The following ARMC8 variants were observed in gnomAD, a reference collection of about 807,000 sequenced individuals.
ARMC8 encodes armadillo repeat containing 8.
A neutral mutation model predicts 99.3 loss-of-function variants in ARMC8; 20 were observed. The ratio of observed to expected loss-of-function variants is 0.20; its 90% CI spans 0.14 to 0.29. The LOEUF (loss-of-function observed/expected upper bound fraction) is 0.29. ARMC8 is among the 10% of genes least tolerant of loss of function. ARMC8 has a pLI of 1.00. For missense variants in ARMC8, 569 were observed against 809.5 expected, an observed-to-expected ratio of 0.70 and a Z score of 3.60; for synonymous variants, 263 against 278.3, an observed-to-expected ratio of 0.95 and a Z score of 0.55.
chr3:138,284,638 G>C, intron 19 of ARMC8, 112 bp downstream of exon 19: 3 of 768,966 alleles, frequency 3.9e-6, no homozygotes, highest in South Asian at 3.7e-5. Context: ...AGATTACTCT[G>C]TGACTCCTCA....
chr3:138,250,293 T>G (rs1264103327), intron 12 of ARMC8, among the ~76,000 whole-genome samples: 1 of 152,094 alleles, frequency 6.6e-6, no homozygotes, highest in Non-Finnish European at 1.5e-5. Context: ...AATGGAAGCA[T>G]TTATTAGAAT....
chr3:138,292,811 G>T (rs1308890098), intron 21 of ARMC8, among the ~76,000 whole-genome samples: 3 of 152,154 alleles, frequency 2.0e-5, no homozygotes, highest in Non-Finnish European at 4.4e-5. Context: ...AGAGAGAAAG[G>T]AGGACTAAGG....
At position 138,229,001 on chromosome 3, in the gene ARMC8, C is replaced by G; in HGVS notation, c.519C>G (p.His173Gln). ...TQEYICQIFS[H>Q]CCKGPDHQTI... ...AGTACATCTGTCAGATCTTCTCACA[C>G]TGCTGTAAAGTAAGAACCAGAATAA... Residue 173 changes from histidine (H) to glutamine (Q), a missense_variant, in exon 6 of 22, where the codon CAC becomes CAG. His to Gln is a conservative substitution (Grantham distance 24). Coordinates refer to ENST00000469044, the MANE Select transcript of ARMC8 (RefSeq NM_001363941.2). 1 of 1,606,604 alleles carries G rather than the reference C, an allele frequency of 6.2e-7. No individual in the cohort carries two copies. The highest frequency in any genetic ancestry group is 1.3e-5 in the African/African-American group (1 of 74,562).
At chr3:138,277,064 C>T (rs189243985) in intron 18 of ARMC8, among the ~76,000 whole-genome samples, 67 of 151,960 alleles carry the variant, frequency 4.4e-4, no homozygotes, top group Admixed American at 2.5e-3. Context: ...ATGGTCTTAG[C>T]AAAAAAAGAT....
At chr3:138,201,775 C>T (rs970389065) in intron 1 of ARMC8, among the ~76,000 whole-genome samples, 2 of 152,112 alleles carry the variant, frequency 1.3e-5, no homozygotes, top group Non-Finnish European at 2.9e-5. Context: ...TTCCCTTTTT[C>T]ACCTGGCAGA....
In ARMC8 at chr3:138,296,759, C is replaced by G. The variant is rs1483701741; in HGVS notation, c.*867C>G. 1 of 152,124 alleles carries G rather than the reference C, an allele frequency of 6.6e-6. No homozygotes were observed. Among genetic ancestry groups the G allele is most frequent in the East Asian group, 1.9e-4 (1 of 5,198 alleles). The allele number at this position is 152,124 out of a possible 1,614,324, so 9.4% of individuals were successfully genotyped here. On this transcript the variant is annotated 3_prime_UTR_variant, in exon 22 of 22. Coordinates refer to ENST00000469044, the MANE Select transcript of ARMC8 (RefSeq NM_001363941.2). Reference sequence around the variant, plus strand: ...ATTCACCATAGGCTTTTTGAAGCATCAAAGGGAAATATAACTACTGATAGT... The same window carrying G: ...ATTCACCATAGGCTTTTTGAAGCATGAAAGGGAAATATAACTACTGATAGT...
intron 18 of ARMC8, among the ~76,000 whole-genome samples, chr3:138,275,746 G>A (rs571770744): frequency 2.0e-5 from 3 of 152,168 alleles, no homozygotes; most frequent in Non-Finnish European, 4.4e-5. Flanking sequence ...AGTAAGAGTT[G>A]TAGGTCTTAG....
At chr3:138,280,906 G>C (rs2049839998) in intron 18 of ARMC8, among the ~76,000 whole-genome samples, 1 of 152,202 alleles carries the variant, frequency 6.6e-6, no homozygotes, top group Admixed American at 6.5e-5. Flanking sequence ...GGGATTACAG[G>C]CATCAGCCAC....
rs550025232 is a variant in ARMC8, at chr3:138,296,091, CTTGTG to C, written c.*202_*206del. On this transcript the variant is annotated 3_prime_UTR_variant, in exon 22 of 22. Coordinates refer to ENST00000469044, the MANE Select transcript of ARMC8 (RefSeq NM_001363941.2). ...GAGGTAGTAATTTCCTCAGAAGACT[CTTGTG>C]TTTTGTTTTGGTTTTTTTTTCTGAG... The C allele has an allele frequency of 4.7e-3, 2,341 of 502,674 alleles. 12 individuals are homozygous for C. The highest frequency in any genetic ancestry group is 4.5e-3 in the Non-Finnish European group (1,295 of 289,016). The allele number at this position is 502,674 out of a possible 1,614,324, so 31.1% of individuals were successfully genotyped here.
intron 12 of ARMC8, chr3:138,262,078 C>T (rs1560006978): frequency 6.5e-6 from 1 of 153,474 alleles, no homozygotes; most frequent in Non-Finnish European, 1.4e-5. Context: ...TTTTCTAGAG[C>T]AACATCAGCA....
intron 1 of ARMC8, among the ~76,000 whole-genome samples, chr3:138,208,903 T>G (rs2044541486): frequency 6.6e-6 from 1 of 152,250 alleles, no homozygotes; most frequent in Non-Finnish European, 1.5e-5. Context: ...GTACTCTTTC[T>G]AATTCTACCC....
At chr3:138,217,401 C>CTTT (rs753393123) in intron 2 of ARMC8, among the ~76,000 whole-genome samples, 13 of 135,936 alleles carry the variant, frequency 9.6e-5, no homozygotes, top group Non-Finnish European at 1.8e-4. Context: ...GGTCTAGATC[C>CTTT]TTTTTTTTTT....
At chr3:138,254,431 TA>T (rs1482421139) in intron 12 of ARMC8, among the ~76,000 whole-genome samples, 4 of 152,156 alleles carry the variant, frequency 2.6e-5, no homozygotes, top group African/African-American at 9.7e-5. Context: ...ATATAGAGGA[TA>T]GGGGCTGAAC....
chr3:138,213,790 C>G (rs2044845069), intron 2 of ARMC8, among the ~76,000 whole-genome samples: 2 of 152,254 alleles, frequency 1.3e-5, no homozygotes, highest in South Asian at 4.1e-4. Context: ...GCTACTTAAA[C>G]AGTTTTGTTT....
chr3:138,233,903 T>G (rs1365320545), intron 6 of ARMC8, among the ~76,000 whole-genome samples: 1 of 152,220 alleles, frequency 6.6e-6, no homozygotes, highest in Non-Finnish European at 1.5e-5. Flanking sequence ...TGATTTTTCA[T>G]TAATTGATTG....
intron 6 of ARMC8, among the ~76,000 whole-genome samples, chr3:138,232,703 A>T (rs74654279): frequency 0.014 from 2,153 of 152,330 alleles, 53 homozygotes; most frequent in African/African-American, 0.047. Flanking sequence ...GTGAAGGAAG[A>T]AAAGGTTTAG....
At chr3:138,215,165 C>T (rs1294945854) in intron 2 of ARMC8, among the ~76,000 whole-genome samples, 1 of 152,076 alleles carries the variant, frequency 6.6e-6, no homozygotes, top group Non-Finnish European at 1.5e-5. Context: ...CTATGTGATA[C>T]TAACTTTGAA....
Position 138,204,799 on chromosome 3 carries a change from C to T in ARMC8, c.46-5018C>T, listed in dbSNP as rs560731279. The stretch of plus-strand genomic sequence containing the variant: ...TCCAGAGCAGAGTCTTCCAGTCTTG[C>T]GGTATCCAGGATCACTCCCTTAGTT... On this transcript the variant is annotated intron_variant, in intron 1 of 21. Coordinates refer to ENST00000469044, the MANE Select transcript of ARMC8 (RefSeq NM_001363941.2). Among the ~76,000 whole-genome samples, 33 of 152,276 alleles carry T rather than the reference C, an allele frequency of 2.2e-4. No individual in the cohort carries two copies. The East Asian group carries it at 4.6e-3, about 21-fold the overall frequency.
At chr3:138,214,015 G>C (rs1189813287) in intron 2 of ARMC8, among the ~76,000 whole-genome samples, 1 of 152,042 alleles carries the variant, frequency 6.6e-6, no homozygotes, top group Admixed American at 6.6e-5. Context: ...AGCCAGGCGT[G>C]GTGGTACGTG....
Sources: gnomAD v4.1 joint callset for allele counts (sites outside exome capture counted in the v4.1 genomes callset) on GRCh38, gnomAD v4.1.1 for gene constraint, MANE v1.5 for transcripts, NCBI Gene and HGNC (gene_info 2026-07-23, HGNC 2026-07-21) for gene names.